Variants in PKD1L1 observed in about 807,000 individuals in gnomAD.
The protein encoded by PKD1L1 is polycystin 1 like 1, transient receptor potential channel interacting.
PKD1L1 carries 236 observed loss-of-function variants against 323.4 expected under a neutral mutation model. The observed-to-expected ratio is 0.73, with a 90% confidence interval of 0.66 to 0.81. PKD1L1 has a LOEUF of 0.81. Among genes scored for constraint, PKD1L1 ranks in the 40% least tolerant of loss-of-function variants. The probability of loss-of-function intolerance (pLI) is 0.00; values close to 1 mark genes in which losing one functional copy is unlikely to be tolerated. For missense variants in PKD1L1, 3,320 were observed against 3,508.0 expected, an observed-to-expected ratio of 0.95 and a Z score of 1.35; for synonymous variants, 1,344 against 1,335.0, an observed-to-expected ratio of 1.01 and a Z score of -0.15.
chr7:47,886,136 G>A, intron 17 of PKD1L1, 82 bp from the exon 18 acceptor site: 1 of 1,484,486 alleles, frequency 6.7e-7, no homozygotes, highest in East Asian at 2.3e-5. Flanking sequence ...ACTATGTAAG[G>A]ATGCTATATT....
chr7:47,811,224 G>A (rs1448114490), intron 50 of PKD1L1, among the ~76,000 whole-genome samples: 2 of 149,670 alleles, frequency 1.3e-5, no homozygotes, highest in African/African-American at 4.9e-5. Flanking sequence ...CGCAATCTCA[G>A]CTCACTGCAA....
chr7:47,848,851 C>A (rs1248470576), intron 31 of PKD1L1, among the ~76,000 whole-genome samples: 1 of 151,988 alleles, frequency 6.6e-6, no homozygotes, highest in African/African-American at 2.4e-5. Context: ...CAGAACTAGA[C>A]AAAACAATCC....
At chr7:47,941,240 T>C (rs985253808) in intron 2 of PKD1L1, among the ~76,000 whole-genome samples, 2 of 152,210 alleles carry the variant, frequency 1.3e-5, no homozygotes, top group Non-Finnish European at 2.9e-5. Context: ...AGGAAACCTG[T>C]TTCTGCCTGG....
chr7:47,811,506 C>T (rs577615636), intron 50 of PKD1L1, among the ~76,000 whole-genome samples: 2 of 152,294 alleles, frequency 1.3e-5, no homozygotes, highest in African/African-American at 4.8e-5. Context: ...TTACAGCAGC[C>T]TGAGCTAAAT....
intron 31 of PKD1L1, among the ~76,000 whole-genome samples, chr7:47,851,541 G>A (rs1551275): frequency 0.56 from 84,951 of 151,918 alleles, 24,263 homozygotes; most frequent in African/African-American, 0.61. Context: ...GCAAATCACC[G>A]TTTTGTAGCC....
Position 47,813,282 on chromosome 7 carries a change from T to C in PKD1L1, c.7185A>G (p.Pro2395=), listed in dbSNP as rs1784942037. The C allele has an allele frequency of 6.2e-7, 1 of 1,613,916 alleles. No homozygotes were observed. Among genetic ancestry groups the C allele is most frequent in the South Asian group, 1.1e-5 (1 of 91,058 alleles). Residue 2395 remains proline (P), a synonymous_variant, in exon 49 of 57, where the codon CCA becomes CCG. Coordinates refer to ENST00000289672, the MANE Select transcript of PKD1L1 (RefSeq NM_138295.5). ...FPRHLCKPPR[P]FSALIEDSIP... is the part of the protein sequence containing the mutation. ...TAGAGTCTTCGATGAGTGCTGAAAA[T>C]GGCCTGGGAGGCTGCAGAACAAACC...
chr7:47,905,406 C>T lies in PKD1L1; in HGVS notation c.1523-81G>A. The T allele has an allele frequency of 6.9e-6, 10 of 1,452,340 alleles. No individual in the cohort carries two copies. In the South Asian group the frequency reaches 1.3e-4, roughly 19 times the overall value. 90.0% of individuals were successfully genotyped at this position (1,452,340 alleles called of 1,614,324 possible). A position where few individuals can be genotyped will look rare whatever the true frequency, so the allele number is the denominator to read the frequency against. On this transcript the variant is annotated intron_variant, in intron 10 of 56. Transcript: ENST00000289672. ...CAGAGAAACTAGTACCTCTACTTTC[C>T]CACTTGGTCATGGGCTTGAGTGATG...
chr7:47,933,465 C>T (rs1787810276), intron 4 of PKD1L1, among the ~76,000 whole-genome samples: 1 of 152,112 alleles, frequency 6.6e-6, no homozygotes, highest in African/African-American at 2.4e-5. Context: ...AAATAAACTC[C>T]CTGTTTATTA....
chr7:47,882,828 A>G (rs1786594029), intron 19 of PKD1L1, among the ~76,000 whole-genome samples: 1 of 152,142 alleles, frequency 6.6e-6, no homozygotes, highest in African/African-American at 2.4e-5. Context: ...GAGTAACAAC[A>G]GCCTGGTTTG....
At chr7:47,887,587 C>A (rs181939848) in intron 17 of PKD1L1, among the ~76,000 whole-genome samples, 6 of 152,382 alleles carry the variant, frequency 3.9e-5, no homozygotes, top group Admixed American at 1.3e-4. Context: ...AGGATTGGAA[C>A]CTTCCGCCCT....
chr7:47,843,763 C>A lies in PKD1L1; in HGVS notation c.5238-594G>T, dbSNP rs566705939. 4.0e-4 allele frequency among the ~76,000 whole-genome samples: 61 copies of A among 152,244 alleles called. 1 individual carries two copies. The South Asian group carries it at 0.012, about 31-fold the overall frequency. ...TCCGTAGAATGACATTCATATCAAG[C>A]TGCTGTGCAGGGACTCTAACCTAAC... On this transcript the variant is annotated intron_variant, in intron 33 of 56. Transcript: ENST00000289672.
chr7:47,943,904 A>T (rs1028459852), intron 1 of PKD1L1, among the ~76,000 whole-genome samples: 1 of 151,736 alleles, frequency 6.6e-6, no homozygotes, highest in Non-Finnish European at 1.5e-5. Context: ...CCTGCTGCTC[A>T]CTCACAGCCC....
Position 47,902,408 on chromosome 7 carries a change from C to T in PKD1L1, c.2035G>A (p.Val679Met). ...ACTTTCCCAGGCCCCATGTTCTTCACCAGGGGTGGCTGGCAGGGCTCGCAC... is the reference window on the plus strand; with the variant it reads ...ACTTTCCCAGGCCCCATGTTCTTCATCAGGGGTGGCTGGCAGGGCTCGCAC... The part of the protein sequence containing the change: ...IVCEPCQPPL[V>M]KNMGPGKVQI... Residue 679 changes from valine to methionine, a missense_variant, in exon 13 of 57, where the codon GTG becomes ATG. Transcript: ENST00000289672. The T allele has an allele frequency of 6.2e-7, 1 of 1,614,204 alleles. No individual in the cohort carries two copies. The highest frequency in any genetic ancestry group is 1.1e-5 in the South Asian group (1 of 91,084).
chr7:47,877,253 T>C (rs1031139554), intron 22 of PKD1L1, among the ~76,000 whole-genome samples: 4 of 152,172 alleles, frequency 2.6e-5, no homozygotes, highest in Non-Finnish European at 5.9e-5. Context: ...AGCAGGCCCT[T>C]GTCTCTTTGT....
At chr7:47,795,880 G>A (rs762955837) in intron 55 of PKD1L1, 109 bp downstream of exon 55, 2 of 1,302,842 alleles carry the variant, frequency 1.5e-6, no homozygotes, top group Non-Finnish European at 2.2e-6. Context: ...AAGGAGATTT[G>A]GCATGGAAAC....
intron 31 of PKD1L1, among the ~76,000 whole-genome samples, chr7:47,851,851 G>A (rs1348532447): frequency 6.6e-6 from 1 of 152,048 alleles, no homozygotes; most frequent in Non-Finnish European, 1.5e-5. Context: ...GGCAAAAATT[G>A]GGAGGGTGTT....
rs1195620108 is a variant in PKD1L1 at position 47,888,043 on chromosome 7, G to C, written c.2783C>G (p.Ser928Cys). 1 of 1,613,884 alleles carries C rather than the reference G, an allele frequency of 6.2e-7. No individual in the cohort carries two copies. The highest frequency in any genetic ancestry group is 2.2e-5 in the East Asian group (1 of 44,884). ...GACTAAAAAGAGATCCCAGGAATAAGACAGATTCGGTATTTCACTGCAGTC... is the reference window on the plus strand; with the variant it reads ...GACTAAAAAGAGATCCCAGGAATAACACAGATTCGGTATTTCACTGCAGTC... The part of the protein sequence containing the change: ...CEDCSEIPNL[S>C]YSWDLFLVNA... Residue 928 changes from serine to cysteine, a missense_variant, in exon 17 of 57, where the codon TCT becomes TGT. Transcript: ENST00000289672.
intron 31 of PKD1L1, among the ~76,000 whole-genome samples, chr7:47,848,052 T>C (rs1230561259): frequency 8.5e-5 from 13 of 152,212 alleles, no homozygotes; most frequent in Admixed American, 8.5e-4. Flanking sequence ...AAAATGAACA[T>C]TTCTCAATTA....
intron 28 of PKD1L1, among the ~76,000 whole-genome samples, chr7:47,856,617 C>G (rs1044902334): frequency 6.6e-6 from 1 of 152,202 alleles, no homozygotes; most frequent in African/African-American, 2.4e-5. Context: ...AAATGTCACA[C>G]TGCCGAGCAC....
Sources: allele counts gnomAD v4.1 joint callset (sites outside exome capture counted in the v4.1 genomes callset), GRCh38; gene constraint gnomAD v4.1.1; transcripts MANE v1.5; gene names NCBI Gene and HGNC (gene_info 2026-07-23, HGNC 2026-07-21).